Variants in DCAF8 observed in about 807,000 individuals in gnomAD.
DCAF8 encodes DDB1- and CUL4-associated factor 8.
In DCAF8, 20 loss-of-function variants were observed where a neutral mutation model predicts 68.0. The observed-to-expected ratio is 0.29, with a 90% CI of 0.21 to 0.43. The LOEUF is 0.43. DCAF8 is among the 20% of genes least tolerant of loss of function. The probability of loss-of-function intolerance (pLI) is 1.00; values close to 1 mark genes in which losing one functional copy is unlikely to be tolerated. For synonymous variants in DCAF8, 230 were observed against 276.9 expected (o/e 0.83, Z 1.68); for missense variants, 460 against 771.0 (o/e 0.60, Z 4.78).
At chr1:160,220,848 T>C (rs1655269873) in intron 11 of DCAF8, 1 of 152,170 alleles carries the variant, frequency 6.6e-6, no homozygotes, top group Non-Finnish European at 1.5e-5. Flanking sequence ...AACTGCTGAG[T>C]CTACTACATT....
intron 3 of DCAF8, among the ~76,000 whole-genome samples, chr1:160,242,729 A>G (rs575543901): frequency 6.6e-6 from 1 of 152,344 alleles, no homozygotes; most frequent in South Asian, 2.1e-4. Flanking sequence ...TCCAGTATGT[A>G]GAACAAAAGC....
At chr1:160,260,721 T>C (rs1027388317) in intron 2 of DCAF8, among the ~76,000 whole-genome samples, 10 of 152,120 alleles carry the variant, frequency 6.6e-5, no homozygotes, top group Admixed American at 4.6e-4. Flanking sequence ...CACTATTTTT[T>C]TTTTTTTTTT....
chr1:160,232,012 G>A (rs1177847943), intron 6 of DCAF8, among the ~76,000 whole-genome samples: 2 of 152,008 alleles, frequency 1.3e-5, no homozygotes, highest in Non-Finnish European at 2.9e-5. Flanking sequence ...CCAACATGGC[G>A]AGACCCCATC....
chr1:160,262,498 CTGCGCT>C lies in DCAF8; in HGVS notation c.-156_-151del. The C allele has an allele frequency of 2.5e-6, 1 of 400,004 alleles. No individual in the cohort carries two copies. The highest frequency in any genetic ancestry group is 1.3e-4 in the South Asian group (1 of 7,890). The allele number at this position is 400,004 out of a possible 1,614,324, so 24.8% of individuals were successfully genotyped here. A position where few individuals can be genotyped will look rare whatever the true frequency, so the allele number is the denominator to read the frequency against. ...CCGCCTCCGCTCTCTGCGCTTGCGC[CTGCGCT>C]GCCACGCTTTCCGGCCCCGTTTGCG... On this transcript the variant is annotated 5_prime_UTR_variant, in exon 1 of 14. Transcript: ENST00000368074.
intron 2 of DCAF8, among the ~76,000 whole-genome samples, chr1:160,248,269 T>A (rs996310216): frequency 2.0e-5 from 3 of 151,018 alleles, no homozygotes; most frequent in Non-Finnish European, 4.4e-5. Flanking sequence ...ATAGTACCAC[T>A]GCACTCCAGC....
chr1:160,255,747 GT>G (rs1467571746), intron 2 of DCAF8, among the ~76,000 whole-genome samples: 6 of 152,058 alleles, frequency 3.9e-5, no homozygotes, highest in African/African-American at 1.4e-4. Context: ...AGCCTCCCAA[GT>G]AGCTGGGACT....
intron 2 of DCAF8, among the ~76,000 whole-genome samples, chr1:160,248,240 G>C (rs1656432875): frequency 6.6e-6 from 1 of 152,050 alleles, no homozygotes; most frequent in Non-Finnish European, 1.5e-5. Context: ...CCAGGAGGTG[G>C]AGGTTGCAGT....
At chr1:160,237,347 T>G in intron 5 of DCAF8, 118 bp from the exon 6 acceptor site, 1 of 685,608 alleles carries the variant, frequency 1.5e-6, no homozygotes, top group Non-Finnish European at 2.5e-6. Flanking sequence ...GAGAAATGTC[T>G]ACCTTTTTGT....
chr1:160,244,053 G>C lies in DCAF8; in HGVS notation c.-26-19C>G. 1 of 1,603,474 alleles carries C rather than the reference G, an allele frequency of 6.2e-7. No individual in the cohort carries two copies. The highest frequency in any genetic ancestry group is 8.5e-7 in the Non-Finnish European group (1 of 1,170,500). On this transcript the variant is annotated intron_variant, in intron 2 of 13. Transcript: ENST00000368074. ...AGCCAGCCTGGGTTTGGGAGAGGAAGAAACCAAAACAATTAGGAAACCACC... is the reference window on the plus strand; with the variant it reads ...AGCCAGCCTGGGTTTGGGAGAGGAACAAACCAAAACAATTAGGAAACCACC...
chr1:160,252,007 G>A (rs1482809589), intron 2 of DCAF8, among the ~76,000 whole-genome samples: 2 of 152,152 alleles, frequency 1.3e-5, no homozygotes, highest in Non-Finnish European at 1.5e-5. Context: ...TATTCCTACT[G>A]TGCTGAAGAT....
intron 6 of DCAF8, among the ~76,000 whole-genome samples, chr1:160,232,021 T>A (rs1209230050): frequency 6.6e-6 from 1 of 152,126 alleles, no homozygotes; most frequent in Non-Finnish European, 1.5e-5. Context: ...CGAGACCCCA[T>A]CTCTACTGAA....
chr1:160,238,771 A>C (rs1421227788), intron 4 of DCAF8, 24 bp from the exon 5 acceptor site: 3 of 1,578,348 alleles, frequency 1.9e-6, no homozygotes, highest in Middle Eastern at 1.7e-4. Context: ...AATGAAAAAA[A>C]GGACACACAA....
At chr1:160,226,636 C>A (rs1352543737) in intron 7 of DCAF8, among the ~76,000 whole-genome samples, 1 of 152,178 alleles carries the variant, frequency 6.6e-6, no homozygotes, top group Non-Finnish European at 1.5e-5. Flanking sequence ...TCCTCATCAC[C>A]AGCTGGCCAC....
intron 7 of DCAF8, 140 bp downstream of exon 7, chr1:160,231,157 T>C (rs1435659338): frequency 1.5e-6 from 1 of 656,464 alleles, no homozygotes; most frequent in Non-Finnish European, 2.7e-6. Context: ...CGTGTAAGAT[T>C]TTTGGAAAAC....
chr1:160,228,977 A>G (rs1490270907), intron 7 of DCAF8, among the ~76,000 whole-genome samples: 1 of 152,166 alleles, frequency 6.6e-6, no homozygotes, highest in Non-Finnish European at 1.5e-5. Context: ...TGAAAGGGCT[A>G]CCTGCTTGTG....
chr1:160,225,897 G>A (rs779632181), intron 7 of DCAF8, among the ~76,000 whole-genome samples: 20 of 152,230 alleles, frequency 1.3e-4, no homozygotes, highest in Non-Finnish European at 2.9e-4. Flanking sequence ...AGGCTGTAGT[G>A]CAGTGGCATG....
At chr1:160,226,909 G>T (rs539475587) in intron 7 of DCAF8, among the ~76,000 whole-genome samples, 183 of 152,330 alleles carry the variant, frequency 1.2e-3, no homozygotes, top group Non-Finnish European at 2.4e-3. Flanking sequence ...TGCAGACACA[G>T]ATGTAAGTCA....
In DCAF8 at chr1:160,240,073, C is replaced by T. The variant is rs376611740; in HGVS notation, c.347G>A (p.Arg116His). 25 of 1,614,098 alleles carry T rather than the reference C, an allele frequency of 1.5e-5. No homozygotes were observed. The highest frequency in any genetic ancestry group is 8.3e-5 in the Admixed American group (5 of 60,012). Residue 116 changes from arginine (R) to histidine (H), a missense_variant, in exon 4 of 14, where the codon CGC becomes CAC. Arg to His is a conservative substitution (Grantham distance 29). Transcript: ENST00000368074. Reference sequence around the variant, plus strand: ...GTTAGCCCGCTTGCGCTGTACACGGCGCCGAGGCTGCTCTTCTTCCTCCTC... The same window carrying T: ...GTTAGCCCGCTTGCGCTGTACACGGTGCCGAGGCTGCTCTTCTTCCTCCTC... Reference protein sequence around the residue: ...EEEEEEEQPRRRVQRKRANRD... With the variant: ...EEEEEEEQPRHRVQRKRANRD...
chr1:160,233,305 T>C (rs1024979407), intron 6 of DCAF8, among the ~76,000 whole-genome samples: 3 of 152,016 alleles, frequency 2.0e-5, no homozygotes, highest in African/African-American at 7.2e-5. Context: ...TCCCAGCACT[T>C]TGGGAGACTG....
Sources: gnomAD v4.1 joint callset for allele counts (sites outside exome capture counted in the v4.1 genomes callset) on GRCh38, gnomAD v4.1.1 for gene constraint, MANE v1.5 for transcripts, NCBI Gene and HGNC (gene_info 2026-07-23, HGNC 2026-07-21) for gene names.